The following CYP27A1 variants were observed in gnomAD, a reference collection of about 807,000 sequenced individuals.
The protein encoded by CYP27A1 is sterol 26-hydroxylase, mitochondrial.
A neutral mutation model predicts 58.2 loss-of-function variants in CYP27A1; 46 were observed. That is an observed-to-expected ratio of 0.79 (90% CI 0.62 to 1.01). CYP27A1 has a LOEUF of 1.01. Ranked by LOEUF, CYP27A1 falls within the 50% of genes least tolerant of loss-of-function variation. The probability of loss-of-function intolerance (pLI) is 0.00; values close to 1 mark genes in which losing one functional copy is unlikely to be tolerated. For synonymous variants in CYP27A1, 274 were observed against 285.1 expected, an observed-to-expected ratio of 0.96 and a Z score of 0.39; for missense variants, 704 against 687.0, an observed-to-expected ratio of 1.02 and a Z score of -0.28.
rs1943764663 is a variant in CYP27A1, at chr2:218,814,451, C to T, written c.1256C>T (p.Pro419Leu). The change falls in exon 7 of 9, where the codon CCC becomes CTC. Residue 419 changes from proline to leucine, a missense_variant. Physicochemically the swap from Pro to Leu is moderately conservative, Grantham distance 98 (BLOSUM62 -3). Coordinates refer to ENST00000258415, the MANE Select transcript of CYP27A1 (RefSeq NM_000784.4). ...KEIEVDGFLF[P>L]KNTQFVFCHY... ...ATTGAAGTTGATGGCTTCCTCTTCC[C>T]CAAGAACGTGAGTGGGGCTAGAGAG... is the stretch of plus-strand genomic sequence containing the variant. 2 of 1,614,260 alleles carry T rather than the reference C, an allele frequency of 1.2e-6. No individual in the cohort carries two copies. Among genetic ancestry groups the T allele is most frequent in the Non-Finnish European group, 1.7e-6 (2 of 1,180,038 alleles).
At chr2:218,806,524 C>A (rs1056453620) in intron 1 of CYP27A1, among the ~76,000 whole-genome samples, 3 of 152,222 alleles carry the variant, frequency 2.0e-5, no homozygotes, top group African/African-American at 7.2e-5. Flanking sequence ...ATTAACAGTG[C>A]CACAGTTGAG....
chr2:218,799,761 A>C (rs567114263), intron 1 of CYP27A1, among the ~76,000 whole-genome samples: 3 of 150,990 alleles, frequency 2.0e-5, no homozygotes, highest in African/African-American at 7.3e-5. Flanking sequence ...ACATCAGTCC[A>C]CTGTCCAATC....
intron 1 of CYP27A1, among the ~76,000 whole-genome samples, chr2:218,783,212 A>G (rs890521937): frequency 1.4e-4 from 20 of 147,278 alleles, no homozygotes; most frequent in African/African-American, 2.6e-5. Flanking sequence ...AGCCAAGATT[A>G]CGCCATTGCA....
At chr2:218,783,874 G>C (rs1943418110) in intron 1 of CYP27A1, among the ~76,000 whole-genome samples, 1 of 152,172 alleles carries the variant, frequency 6.6e-6, no homozygotes, top group Non-Finnish European at 1.5e-5. Flanking sequence ...ACTGGCCTTT[G>C]AGGACAGCCT....
intron 1 of CYP27A1, among the ~76,000 whole-genome samples, chr2:218,787,865 A>G (rs1013179916): frequency 2.6e-5 from 4 of 152,260 alleles, no homozygotes; most frequent in African/African-American, 7.2e-5. Flanking sequence ...CGACTAAGAC[A>G]GGAAGTCAAG....
intron 1 of CYP27A1, among the ~76,000 whole-genome samples, chr2:218,803,658 G>C (rs753936556): frequency 6.0e-5 from 9 of 150,294 alleles, no homozygotes; most frequent in African/African-American, 2.2e-4. Context: ...TCTTGACATC[G>C]TGATCTGTCC....
intron 1 of CYP27A1, among the ~76,000 whole-genome samples, chr2:218,786,561 T>A (rs1423201354): frequency 6.6e-6 from 1 of 152,206 alleles, no homozygotes; most frequent in Admixed American, 6.5e-5. Context: ...TTACATTGAA[T>A]GCTGGAAAAA....
intron 1 of CYP27A1, among the ~76,000 whole-genome samples, chr2:218,786,985 G>T (rs576115802): frequency 1.3e-5 from 2 of 152,010 alleles, no homozygotes. Context: ...GGTAGAAAGA[G>T]GTTTCGCCAT....
At chr2:218,791,040 T>A (rs966880494) in intron 1 of CYP27A1, among the ~76,000 whole-genome samples, 1 of 152,136 alleles carries the variant, frequency 6.6e-6, no homozygotes, top group Admixed American at 6.6e-5. Context: ...TTCACCATGT[T>A]GGCCAGGCTG....
intron 1 of CYP27A1, among the ~76,000 whole-genome samples, chr2:218,798,865 A>G (rs1943572570): frequency 6.7e-6 from 1 of 149,302 alleles, no homozygotes; most frequent in African/African-American, 2.5e-5. Flanking sequence ...CCTGGGTGAC[A>G]GAGCGAGACT....
intron 1 of CYP27A1, among the ~76,000 whole-genome samples, chr2:218,798,327 A>T (rs1342564880): frequency 6.6e-6 from 1 of 152,214 alleles, no homozygotes; most frequent in Non-Finnish European, 1.5e-5. Context: ...TTTATTAAAA[A>T]TACATTTTGT....
rs1943737223 is a variant in CYP27A1, at chr2:218,812,755, G to T, written c.844+6G>T. The T allele has an allele frequency of 6.2e-7, 1 of 1,614,142 alleles. No homozygotes were observed. Among genetic ancestry groups the T allele is most frequent in the African/African-American group, 1.3e-5 (1 of 75,036 alleles). On this transcript the variant is annotated splice_donor_region_variant and intron_variant, in intron 4 of 8. Transcript: ENST00000258415. ...GAATGCCATCTTTTCCTTTGGTGAG[G>T]ACTCCCAGATGGGGCCCAGGGAAGA...
chr2:218,805,222 C>T (rs1210019749), intron 1 of CYP27A1, among the ~76,000 whole-genome samples: 1 of 152,194 alleles, frequency 6.6e-6, no homozygotes, highest in African/African-American at 2.4e-5. Flanking sequence ...GTTCTTAAAA[C>T]TCTAGACGAG....
intron 1 of CYP27A1, among the ~76,000 whole-genome samples, chr2:218,801,330 C>T (rs1029912179): frequency 1.1e-4 from 17 of 152,116 alleles, no homozygotes; most frequent in Admixed American, 5.2e-4. Flanking sequence ...CATGGTGAAA[C>T]CCTGTCTCTA....
chr2:218,799,006 T>C (rs1210501273), intron 1 of CYP27A1, among the ~76,000 whole-genome samples: 3 of 152,202 alleles, frequency 2.0e-5, no homozygotes, highest in Non-Finnish European at 4.4e-5. Flanking sequence ...GCAAAAAGAC[T>C]GAAGTCCCTA....
Position 218,782,266 on chromosome 2 carries a change from G to A in CYP27A1, c.84G>A (p.Lys28=), listed in dbSNP as rs958713867. 1 of 1,567,524 alleles carries A rather than the reference G, an allele frequency of 6.4e-7. No homozygotes were observed. The highest frequency in any genetic ancestry group is 8.6e-7 in the Non-Finnish European group (1 of 1,157,194). The change falls in exon 1 of 9, where the codon AAG becomes AAA. Residue 28 remains lysine, a synonymous_variant. Coordinates refer to ENST00000258415, the MANE Select transcript of CYP27A1 (RefSeq NM_000784.4). The surrounding 1 kb of genome is among the most constrained non-coding windows in gnomAD (Gnocchi z 4.1). ...TCTGCCCCCACGGGGCCAGAGCCAAGGCCGCGATCCCTGCCGCCCTCCCCT... is the reference window on the plus strand; with the variant it reads ...TCTGCCCCCACGGGGCCAGAGCCAAAGCCGCGATCCCTGCCGCCCTCCCCT... ...RGLCPHGARA[K]AAIPAALPSD...
At chr2:218,798,215 G>C (rs1489068292) in intron 1 of CYP27A1, among the ~76,000 whole-genome samples, 1 of 152,106 alleles carries the variant, frequency 6.6e-6, no homozygotes, top group Non-Finnish European at 1.5e-5. Flanking sequence ...ATGTTGGCCA[G>C]GCTAGTCTCA....
At chr2:218,784,118 G>T (rs543976753) in intron 1 of CYP27A1, among the ~76,000 whole-genome samples, 1 of 152,100 alleles carries the variant, frequency 6.6e-6, no homozygotes, top group African/African-American at 2.4e-5. Context: ...TGAGGGAGAA[G>T]ATGACTCTGA....
intron 1 of CYP27A1, among the ~76,000 whole-genome samples, chr2:218,803,942 AG>A (rs1943625113): frequency 6.7e-6 from 1 of 149,744 alleles, no homozygotes; most frequent in Admixed American, 6.7e-5. Flanking sequence ...CATGTTGGCC[AG>A]GCTAGTCTTG....
Sources: gnomAD v4.1 joint callset for allele counts (sites outside exome capture counted in the v4.1 genomes callset) on GRCh38, gnomAD v4.1.1 for gene constraint, Gnocchi (gnomAD v3.1) non-coding constraint, MANE v1.5 for transcripts, NCBI Gene and HGNC (gene_info 2026-07-23, HGNC 2026-07-21) for gene names.